ANKRD27: variants seen among roughly 807,000 people sequenced by gnomAD.
ANKRD27 encodes ankyrin repeat domain-containing protein 27.
In ANKRD27, 112 loss-of-function variants were observed where a neutral mutation model predicts 129.7. The ratio of observed to expected loss-of-function variants is 0.86; its 90% CI spans 0.74 to 1.01. The LOEUF (loss-of-function observed/expected upper bound fraction) is 1.01, where lower values mean the gene tolerates loss of function less well. Among genes scored for constraint, ANKRD27 ranks in the 50% least tolerant of loss-of-function variants. The pLI is 0.00. For missense variants in ANKRD27, 1,258 were observed against 1,300.5 expected (o/e 0.97, Z 0.50); for synonymous variants, 516 against 511.2 (o/e 1.01, Z -0.13).
chr19:32,669,576 C>T (rs939697829), intron 1 of ANKRD27, among the ~76,000 whole-genome samples: 4 of 152,116 alleles, frequency 2.6e-5, no homozygotes, highest in African/African-American at 4.8e-5. Flanking sequence ...TGGGAAAAGG[C>T]GCTCCTTCTG....
chr19:32,646,888 C>T (rs1485549603), intron 3 of ANKRD27, among the ~76,000 whole-genome samples: 2 of 152,142 alleles, frequency 1.3e-5, no homozygotes, highest in Non-Finnish European at 2.9e-5. Context: ...TGCAGTGGTG[C>T]GACCTCGGCT....
intron 2 of ANKRD27, among the ~76,000 whole-genome samples, chr19:32,656,137 G>GAAAAGAAAAGAAAAGA (rs1568417922): frequency 6.7e-6 from 1 of 148,600 alleles, no homozygotes; most frequent in African/African-American, 2.5e-5. Flanking sequence ...GAAAAGAAAA[G>GAAAAGAAAAGAAAAGA]AAAAAGAAAA....
At chr19:32,665,606 CCCA>C (rs1265657674) in intron 1 of ANKRD27, among the ~76,000 whole-genome samples, 2 of 151,844 alleles carry the variant, frequency 1.3e-5, no homozygotes, top group Non-Finnish European at 2.9e-5. Context: ...ACTACAGGCG[CCCA>C]CCACCATGCC....
At chr19:32,653,300 A>C (rs1967455233) in intron 2 of ANKRD27, among the ~76,000 whole-genome samples, 3 of 152,206 alleles carry the variant, frequency 2.0e-5, no homozygotes, top group Admixed American at 2.0e-4. Context: ...CTAGGCTCCC[A>C]GACTAGGCCC....
At chr19:32,642,891 C>T (rs1340723571) in intron 9 of ANKRD27, among the ~76,000 whole-genome samples, 1 of 152,130 alleles carries the variant, frequency 6.6e-6, no homozygotes, top group Non-Finnish European at 1.5e-5. Flanking sequence ...AAACCCCGTG[C>T]CCAGCGGCTC....
rs761307804 is a variant in ANKRD27, at chr19:32,607,741, C to T, written c.2267G>A (p.Arg756Gln). The change falls in exon 23 of 29, where the codon CGG becomes CAG. Residue 756 changes from arginine to glutamine, a missense_variant. Physicochemically the swap from Arg to Gln is conservative, Grantham distance 43 (BLOSUM62 1). Coordinates refer to ENST00000306065, the MANE Select transcript of ANKRD27 (RefSeq NM_032139.3). ...SPLHVAALHG[R>Q]ADLIPLLLKH... Reference sequence around the variant, plus strand: ...CAGCAGGAGGGGGATGAGGTCCGCCCGGCCGTGCAGGGCGGCGACATGCAG... The same window carrying T: ...CAGCAGGAGGGGGATGAGGTCCGCCTGGCCGTGCAGGGCGGCGACATGCAG... 20 of 1,612,880 alleles carry T rather than the reference C, an allele frequency of 1.2e-5. No homozygotes were observed. Among genetic ancestry groups the T allele is most frequent in the Non-Finnish European group, 1.4e-5 (17 of 1,179,606 alleles).
At chr19:32,606,122 TTTG>T (rs1971731018) in intron 23 of ANKRD27, among the ~76,000 whole-genome samples, 168 bp from the exon 24 acceptor site, 1 of 139,946 alleles carries the variant, frequency 7.1e-6, no homozygotes, top group Non-Finnish European at 1.5e-5. Context: ...AGCTTATTTT[TTTG>T]TTGTTGTTCT....
chr19:32,626,008 T>G, intron 16 of ANKRD27, 42 bp from the exon 17 acceptor site: 26 of 1,507,220 alleles, frequency 1.7e-5, no homozygotes, highest in Non-Finnish European at 1.9e-5. Flanking sequence ...CACAGCCGGC[T>G]CCCTGGGAGG....
chr19:32,648,803 A>C (rs1302994051), intron 3 of ANKRD27, among the ~76,000 whole-genome samples: 3 of 152,036 alleles, frequency 2.0e-5, no homozygotes, highest in Admixed American at 2.0e-4. Flanking sequence ...CATCTCAAAA[A>C]AAAAAAAAAA....
intron 23 of ANKRD27, among the ~76,000 whole-genome samples, chr19:32,606,951 A>G (rs1230564654): frequency 8.2e-6 from 1 of 121,854 alleles, no homozygotes; most frequent in Non-Finnish European, 1.7e-5. Flanking sequence ...AAAAAAAAAA[A>G]AAAAAAAAAA....
chr19:32,669,905 A>G (rs979583963), intron 1 of ANKRD27, among the ~76,000 whole-genome samples: 1 of 151,896 alleles, frequency 6.6e-6, no homozygotes, highest in Non-Finnish European at 1.5e-5. Flanking sequence ...CTGAGGCAGA[A>G]GAATTGCTTG....
At chr19:32,674,707 G>A (rs1967947883) in intron 1 of ANKRD27, among the ~76,000 whole-genome samples, 1 of 151,904 alleles carries the variant, frequency 6.6e-6, no homozygotes, top group Admixed American at 6.5e-5. Context: ...CTAGGCCTCC[G>A]GGAAACCGCG....
chr19:32,613,471 A>G (rs1018111758), intron 22 of ANKRD27, among the ~76,000 whole-genome samples: 5 of 152,212 alleles, frequency 3.3e-5, no homozygotes, highest in Non-Finnish European at 7.3e-5. Flanking sequence ...TTGTGTTCTT[A>G]CCGAAACGTC....
chr19:32,655,917 C>T (rs999946065), intron 2 of ANKRD27, among the ~76,000 whole-genome samples: 1 of 151,514 alleles, frequency 6.6e-6, no homozygotes, highest in Non-Finnish European at 1.5e-5. Context: ...ACTTGGTAGG[C>T]CGAAGCAGGA....
At chr19:32,610,039 G>A (rs1337436889) in intron 22 of ANKRD27, among the ~76,000 whole-genome samples, 2 of 151,922 alleles carry the variant, frequency 1.3e-5, no homozygotes, top group Non-Finnish European at 2.9e-5. Flanking sequence ...AGGCCAGCAA[G>A]GTAGCTTACG....
At chr19:32,641,545 C>T (rs1361378394) in intron 10 of ANKRD27, among the ~76,000 whole-genome samples, 1 of 152,190 alleles carries the variant, frequency 6.6e-6, no homozygotes, top group Non-Finnish European at 1.5e-5. Flanking sequence ...TTCCCAGAGG[C>T]TCCTGCTGTT....
chr19:32,627,069 G>A (rs1303484155), intron 15 of ANKRD27, among the ~76,000 whole-genome samples: 1 of 152,072 alleles, frequency 6.6e-6, no homozygotes, highest in Non-Finnish European at 1.5e-5. Context: ...AAACAATAAT[G>A]GAAAAGAGAC....
intron 22 of ANKRD27, among the ~76,000 whole-genome samples, chr19:32,610,477 C>T (rs1381329993): frequency 1.7e-5 from 2 of 116,912 alleles, no homozygotes; most frequent in Non-Finnish European, 3.4e-5. Flanking sequence ...AGACCAAGAC[C>T]GTCTCTAAAA....
intron 28 of ANKRD27, 152 bp from the exon 29 acceptor site, chr19:32,598,530 A>G (rs546036112): frequency 1.4e-6 from 1 of 692,432 alleles, no homozygotes; most frequent in Non-Finnish European, 2.5e-6. Context: ...CTGTCGTGGT[A>G]ACATGGCATG....
Sources: gnomAD v4.1 joint callset for allele counts (sites outside exome capture counted in the v4.1 genomes callset) on GRCh38, gnomAD v4.1.1 for gene constraint, MANE v1.5 for transcripts, NCBI Gene and HGNC (gene_info 2026-07-23, HGNC 2026-07-21) for gene names.